Variants in ANKRD12 observed in about 807,000 individuals in gnomAD.
ANKRD12 encodes the protein ankyrin repeat domain-containing protein 12.
ANKRD12 carries 85 observed loss-of-function variants against 183.4 expected under a neutral mutation model. The ratio of observed to expected loss-of-function variants is 0.46; its 90% CI spans 0.39 to 0.56. The LOEUF is 0.56. Ranked by LOEUF, ANKRD12 falls within the 20% of genes least tolerant of loss-of-function variation. ANKRD12 has a pLI of 0.00. For synonymous variants in ANKRD12, 914 were observed against 800.2 expected (o/e 1.14, Z -2.40); for missense variants, 2,405 against 2,357.1 (o/e 1.02, Z -0.42).
chr18:9,262,159 G>A (rs931653793), intron 9 of ANKRD12, among the ~76,000 whole-genome samples: 3 of 152,148 alleles, frequency 2.0e-5, no homozygotes, highest in Non-Finnish European at 2.9e-5. Flanking sequence ...AGAGTCTGTA[G>A]AGCCAGGTGT....
chr18:9,239,814 A>G (rs1004096689), intron 8 of ANKRD12, among the ~76,000 whole-genome samples: 2 of 152,236 alleles, frequency 1.3e-5, no homozygotes, highest in African/African-American at 4.8e-5. Flanking sequence ...TTAAAGAATA[A>G]CCAAGATTAT....
In ANKRD12 at chr18:9,257,177, A is replaced by G. The variant is rs2038684384; in HGVS notation, c.3910A>G (p.Thr1304Ala). ...ACTAATTATAAGCGAGGGGAGACCT[A>G]CCATAGAAGTTCGAAGATGTAGCAT... ...VKLIISEGRP[T>A]IEVRRCSMPS... The change falls in exon 9 of 13, where the codon ACC becomes GCC. Residue 1304 changes from threonine to alanine, a missense_variant. Around this residue, in one of 7 missense-constraint regions of ANKRD12, gnomAD observed 1,983 missense variants for 1,725.9 expected, o/e 1.15. Coordinates refer to ENST00000262126, the MANE Select transcript of ANKRD12 (RefSeq NM_015208.5). 6.2e-7 allele frequency: 1 copy of G among 1,614,034 alleles called. No individual in the cohort carries two copies. Among genetic ancestry groups the G allele is most frequent in the Admixed American group, 1.7e-5 (1 of 59,996 alleles).
In ANKRD12 at chr18:9,284,445, A is replaced by G. The variant is rs2040179938; in HGVS notation, c.*3319A>G. The G allele has an allele frequency of 6.6e-6, 1 of 152,244 alleles. No homozygotes were observed. The highest frequency in any genetic ancestry group is 1.5e-5 in the Non-Finnish European group (1 of 68,040). 9.4% of individuals were successfully genotyped at this position (152,244 alleles called of 1,614,324 possible). On this transcript the variant is annotated 3_prime_UTR_variant, in exon 13 of 13. Coordinates refer to ENST00000262126, the MANE Select transcript of ANKRD12 (RefSeq NM_015208.5). ...AACATAAAAACCCAAAATTTTATATAGAAGAAATTGACTCTGTAAAACGCA... is the reference window on the plus strand; with the variant it reads ...AACATAAAAACCCAAAATTTTATATGGAAGAAATTGACTCTGTAAAACGCA...
chr18:9,151,408 CTTAT>C (rs2078682344), intron 1 of ANKRD12, among the ~76,000 whole-genome samples: 1 of 152,160 alleles, frequency 6.6e-6, no homozygotes, highest in African/African-American at 2.4e-5. Flanking sequence ...TTCTAAACCT[CTTAT>C]TTAAGAAGCA....
chr18:9,227,511 A>G (rs1390784128), intron 8 of ANKRD12, among the ~76,000 whole-genome samples: 1 of 152,214 alleles, frequency 6.6e-6, no homozygotes, highest in Non-Finnish European at 1.5e-5. Context: ...GGAAGCTATC[A>G]AAGACTAATA....
chr18:9,173,951 G>A (rs999072278), intron 1 of ANKRD12, among the ~76,000 whole-genome samples: 7 of 152,234 alleles, frequency 4.6e-5, no homozygotes, highest in Non-Finnish European at 8.8e-5. Flanking sequence ...CTCCCCCTAG[G>A]GGCTTGTCCC....
intron 7 of ANKRD12, among the ~76,000 whole-genome samples, chr18:9,220,107 GTTTT>G (rs767835163): frequency 7.9e-5 from 12 of 152,200 alleles, no homozygotes; most frequent in Admixed American, 4.6e-4. Context: ...ATCTAGAAAA[GTTTT>G]TTTCTTTATT....
At chr18:9,188,077 G>A (rs2034218622) in intron 2 of ANKRD12, among the ~76,000 whole-genome samples, 1 of 152,290 alleles carries the variant, frequency 6.6e-6, no homozygotes, top group South Asian at 2.1e-4. Context: ...AAGCTAATTA[G>A]CTTCATGGAT....
At chr18:9,137,522 C>T (rs1386050888) in intron 1 of ANKRD12, 2 of 148,024 alleles carry the variant, frequency 1.4e-5, no homozygotes, top group Non-Finnish European at 3.0e-5. Context: ...GCGTTCCCGC[C>T]GCCAGCCGCC....
Position 9,257,460 on chromosome 18 carries a change from T to C in ANKRD12, c.4193T>C (p.Val1398Ala). 1 of 1,614,088 alleles carries C rather than the reference T, an allele frequency of 6.2e-7. No homozygotes were observed. The highest frequency in any genetic ancestry group is 8.5e-7 in the Non-Finnish European group (1 of 1,179,988). Residue 1398 changes from valine to alanine, a missense_variant, in exon 9 of 13, where the codon GTA becomes GCA. Around this residue, in one of 7 missense-constraint regions of ANKRD12, gnomAD observed 1,983 missense variants for 1,725.9 expected, o/e 1.15. Coordinates refer to ENST00000262126, the MANE Select transcript of ANKRD12 (RefSeq NM_015208.5). ...AAGAATACTGCCCCAGTGAACACTG[T>C]AATGGACAGTCCAGTGCATTTAGAG... is the stretch of plus-strand genomic sequence containing the variant. ...LIKNTAPVNT[V>A]MDSPVHLEPS...
At chr18:9,231,869 T>C (rs191472416) in intron 8 of ANKRD12, among the ~76,000 whole-genome samples, 40 of 151,768 alleles carry the variant, frequency 2.6e-4, no homozygotes, top group Non-Finnish European at 5.3e-4. Context: ...ATAATTATTA[T>C]AGCTACTCTT....
intron 6 of ANKRD12, among the ~76,000 whole-genome samples, chr18:9,212,346 C>T (rs2035851486): frequency 6.6e-6 from 1 of 151,920 alleles, no homozygotes. Flanking sequence ...GGAGGTTACT[C>T]ATTCAGTTCA....
At chr18:9,146,849 G>C (rs1225613367) in intron 1 of ANKRD12, among the ~76,000 whole-genome samples, 1 of 152,174 alleles carries the variant, frequency 6.6e-6, no homozygotes, top group Non-Finnish European at 1.5e-5. Context: ...TAAGAGGTAG[G>C]TTTGTGTTGG....
At chr18:9,197,646 T>C (rs1010046314) in intron 3 of ANKRD12, among the ~76,000 whole-genome samples, 2 of 152,232 alleles carry the variant, frequency 1.3e-5, no homozygotes, top group African/African-American at 4.8e-5. Flanking sequence ...TACTGTACTC[T>C]TTAAGCTAGA....
At chr18:9,234,042 T>C (rs546871760) in intron 8 of ANKRD12, among the ~76,000 whole-genome samples, 1 of 144,236 alleles carries the variant, frequency 6.9e-6, no homozygotes, top group Admixed American at 7.1e-5. Context: ...GCAGTGGCTG[T>C]GGTGCAGGGT....
At chr18:9,199,366 G>A (rs1330012786) in intron 3 of ANKRD12, among the ~76,000 whole-genome samples, 3 of 152,284 alleles carry the variant, frequency 2.0e-5, no homozygotes, top group Admixed American at 6.5e-5. Flanking sequence ...TGTAATTTGT[G>A]TATTTACATT....
At chr18:9,239,561 G>A in intron 8 of ANKRD12, 1 of 1,271,376 alleles carries the variant, frequency 7.9e-7, no homozygotes, top group Non-Finnish European at 1.0e-6. Flanking sequence ...TCATCAGTAA[G>A]TATCATATAA....
At chr18:9,264,472 CAT>C (rs1425261694) in intron 10 of ANKRD12, among the ~76,000 whole-genome samples, 2 of 152,176 alleles carry the variant, frequency 1.3e-5, no homozygotes, top group Non-Finnish European at 2.9e-5. Context: ...TATACATACT[CAT>C]ATGCAAACAA....
intron 1 of ANKRD12, among the ~76,000 whole-genome samples, chr18:9,157,585 G>GTGTGTATATATATATATATATATATA (rs1472659778): frequency 1.1e-5 from 1 of 92,706 alleles, no homozygotes; most frequent in African/African-American, 5.3e-5. Context: ...GTGTGTGTGT[G>GTGTGTATATATATATATATATATATA]TATATATATA....
Sources: allele counts gnomAD v4.1 joint callset (sites outside exome capture counted in the v4.1 genomes callset), GRCh38; gene constraint gnomAD v4.1.1; regional missense constraint gnomAD v4.1.1; transcripts MANE v1.5; gene names NCBI Gene and HGNC (gene_info 2026-07-23, HGNC 2026-07-21).